The following PDSS1 variants were observed in gnomAD, a reference collection of about 807,000 sequenced individuals.
The protein encoded by PDSS1 is decaprenyl diphosphate synthase subunit 1.
A neutral mutation model predicts 57.5 loss-of-function variants in PDSS1; 43 were observed. The ratio of observed to expected loss-of-function variants is 0.75; its 90% CI spans 0.59 to 0.96. The LOEUF (loss-of-function observed/expected upper bound fraction) is 0.96. Ranked by LOEUF, PDSS1 falls within the 50% of genes least tolerant of loss-of-function variation. PDSS1 has a pLI of 0.00. For missense variants in PDSS1, 438 were observed against 527.8 expected (o/e 0.83, Z 1.67); for synonymous variants, 175 against 191.3 (o/e 0.91, Z 0.70).
In PDSS1 at chr10:26,697,755, A is replaced by G. The variant is rs2132195742; in HGVS notation, c.44A>G (p.Lys15Arg). 1 of 1,293,096 alleles carries G rather than the reference A, an allele frequency of 7.7e-7. No individual in the cohort carries two copies. The highest frequency in any genetic ancestry group is 9.7e-7 in the Non-Finnish European group (1 of 1,025,980). The allele number at this position is 1,293,096 out of a possible 1,614,324, so 80.1% of individuals were successfully genotyped here. The change falls in exon 1 of 12, where the codon AAG becomes AGG. Residue 15 changes from lysine (K) to arginine (R), a missense_variant. Lys to Arg is a conservative substitution (Grantham distance 26). Coordinates refer to ENST00000376215, the MANE Select transcript of PDSS1 (RefSeq NM_014317.5). ...CGGTGGCGGCGCGGCTGCTCCTGGA[A>G]GCCGGCGGCGCGGAGCCCCGGGCCC... ...WWRWRRGCSW[K>R]PAARSPGPGS...
At chr10:26,703,841 GGAGGCCAAGGCGGGCGGATCAT>G (rs201165809) in intron 2 of PDSS1, among the ~76,000 whole-genome samples, 29,659 of 151,288 alleles carry the variant, frequency 0.2, 3,838 homozygotes, top group East Asian at 0.58. Context: ...CAGCACTTTG[GGAGGCCAAGGCGGGCGGATCAT>G]GAGGTCAGGA....
chr10:26,716,980 C>G (rs1372995158), intron 5 of PDSS1, among the ~76,000 whole-genome samples: 1 of 152,174 alleles, frequency 6.6e-6, no homozygotes, highest in Non-Finnish European at 1.5e-5. Context: ...TGAGGTTTTT[C>G]TGTAATCTGT....
intron 8 of PDSS1, among the ~76,000 whole-genome samples, chr10:26,726,578 G>T (rs1263199700): frequency 6.6e-6 from 1 of 152,174 alleles, no homozygotes; most frequent in African/African-American, 2.4e-5. Flanking sequence ...AACTGAAAGA[G>T]CAGAATTATT....
At position 26,710,638 on chromosome 10, in the gene PDSS1, C is replaced by T. The variant is rs563750750; in HGVS notation, c.467+870C>T. On this transcript the variant is annotated intron_variant, in intron 5 of 11. Coordinates refer to ENST00000376215, the MANE Select transcript of PDSS1 (RefSeq NM_014317.5). ...TACAGGCGTGAGCCACTGTGCCCAG[C>T]CCATAAAGCTCTTTTTTGATCTGGG... Among the ~76,000 whole-genome samples, 17 of 98,080 alleles carry T rather than the reference C, an allele frequency of 1.7e-4. 5 individuals carry two copies. The highest frequency in any genetic ancestry group is 8.2e-4 in the South Asian group (3 of 3,638). 64.3% of individuals were successfully genotyped at this position (98,080 alleles called of 152,430 possible).
intron 8 of PDSS1, among the ~76,000 whole-genome samples, chr10:26,726,016 C>T (rs1287158918): frequency 6.6e-6 from 1 of 152,156 alleles, no homozygotes; most frequent in East Asian, 1.9e-4. Flanking sequence ...TGCAGACATC[C>T]TGCAGGCACG....
chr10:26,745,784 T>A (rs755271912), intron 11 of PDSS1, among the ~76,000 whole-genome samples: 67 of 151,872 alleles, frequency 4.4e-4, no homozygotes, highest in Non-Finnish European at 8.5e-4. Flanking sequence ...GAGGTGAAGG[T>A]TGCAGTGAGC....
At chr10:26,700,094 A>G (rs189289084) in intron 1 of PDSS1, among the ~76,000 whole-genome samples, 1 of 152,360 alleles carries the variant, frequency 6.6e-6, no homozygotes, top group Admixed American at 6.5e-5. Context: ...AGTAGTGTGA[A>G]CAAATATTGT....
chr10:26,732,355 C>T (rs1588699753), intron 8 of PDSS1, among the ~76,000 whole-genome samples: 1 of 152,212 alleles, frequency 6.6e-6, no homozygotes, highest in African/African-American at 2.4e-5. Flanking sequence ...AGTAATGTCC[C>T]TTCGCCATGT....
At chr10:26,705,460 A>AT (rs1223485268) in intron 4 of PDSS1, 66 bp downstream of exon 4, 10 of 660,386 alleles carry the variant, frequency 1.5e-5, no homozygotes, top group Non-Finnish European at 2.3e-5. Flanking sequence ...ATTTTATTTT[A>AT]TTTTTTATTC....
At chr10:26,706,250 G>A (rs958558146) in intron 4 of PDSS1, among the ~76,000 whole-genome samples, 1 of 152,196 alleles carries the variant, frequency 6.6e-6, no homozygotes, top group Non-Finnish European at 1.5e-5. Flanking sequence ...GCCTGAGTGA[G>A]AGAGCAAGAC....
At chr10:26,699,144 A>G (rs996496937) in intron 1 of PDSS1, among the ~76,000 whole-genome samples, 1 of 152,186 alleles carries the variant, frequency 6.6e-6, no homozygotes, top group African/African-American at 2.4e-5. Flanking sequence ...AAAAATCTAA[A>G]GCAAAAAAGA....
Position 26,723,824 on chromosome 10 carries a change from T to A in PDSS1, c.628T>A (p.Leu210Ile). The A allele has an allele frequency of 6.2e-6, 10 of 1,611,850 alleles. No individual in the cohort carries two copies. The highest frequency in any genetic ancestry group is 8.5e-6 in the Non-Finnish European group (10 of 1,177,880). The part of the protein sequence containing the change: ...GEKKAVLAGD[L>I]ILSAASIALA... ...TTTCTAGGCTGTTCTTGCTGGAGATTTAATTCTTTCTGCAGCATCTATAGC... is the reference window on the plus strand; with the variant it reads ...TTTCTAGGCTGTTCTTGCTGGAGATATAATTCTTTCTGCAGCATCTATAGC... Residue 210 changes from leucine to isoleucine, a missense_variant, in exon 7 of 12, where the codon TTA (leucine) becomes ATA (isoleucine). By Grantham distance (5) the Leu-to-Ile change is conservative. Transcript: ENST00000376215.
intron 10 of PDSS1, among the ~76,000 whole-genome samples, chr10:26,737,779 A>G (rs1836456111): frequency 6.6e-6 from 1 of 150,562 alleles, no homozygotes; most frequent in South Asian, 2.1e-4. Flanking sequence ...AAGCAAAAGG[A>G]AAAAAAAAGA....
chr10:26,745,983 C>G (rs1294540846), intron 11 of PDSS1, among the ~76,000 whole-genome samples: 1 of 151,770 alleles, frequency 6.6e-6, no homozygotes, highest in East Asian at 1.9e-4. Flanking sequence ...GTAAGTTTTA[C>G]TTGTGTTTTT....
intron 8 of PDSS1, among the ~76,000 whole-genome samples, chr10:26,729,961 G>A (rs934614323): frequency 1.0e-4 from 14 of 134,384 alleles, no homozygotes; most frequent in East Asian, 5.0e-4. Context: ...CGCCCAGGCC[G>A]GAGTGCAGTG....
intron 8 of PDSS1, 49 bp downstream of exon 8, chr10:26,724,172 T>C (rs1347675985): frequency 8.0e-7 from 1 of 1,255,874 alleles, no homozygotes; most frequent in Admixed American, 1.7e-5. Flanking sequence ...AGCTCTTTTT[T>C]GGGAGCTAAT....
At chr10:26,700,464 C>CA (rs1463263419) in intron 1 of PDSS1, among the ~76,000 whole-genome samples, 1 of 152,102 alleles carries the variant, frequency 6.6e-6, no homozygotes, top group Non-Finnish European at 1.5e-5. Flanking sequence ...TGCCCACCCA[C>CA]ATCTATCTCG....
At chr10:26,716,904 T>C (rs142956043) in intron 5 of PDSS1, among the ~76,000 whole-genome samples, 16 of 152,280 alleles carry the variant, frequency 1.1e-4, no homozygotes, top group Admixed American at 2.6e-4. Flanking sequence ...GAAATAGAAA[T>C]GGTGCCCAGT....
intron 2 of PDSS1, among the ~76,000 whole-genome samples, chr10:26,704,405 T>C (rs1382417495): frequency 1.3e-5 from 2 of 152,136 alleles, no homozygotes; most frequent in Admixed American, 6.5e-5. Flanking sequence ...TCTGGAAAGA[T>C]AGATATGAAT....
Sources: allele counts gnomAD v4.1 joint callset (sites outside exome capture counted in the v4.1 genomes callset), GRCh38; gene constraint gnomAD v4.1.1; transcripts MANE v1.5; gene names NCBI Gene and HGNC (gene_info 2026-07-23, HGNC 2026-07-21).